The following EPS15 variants were observed in gnomAD, a reference collection of about 807,000 sequenced individuals.
EPS15 encodes epidermal growth factor receptor substrate 15.
EPS15 carries 72 observed loss-of-function variants against 113.8 expected under a neutral mutation model. That is an observed-to-expected ratio of 0.63 (90% CI 0.52 to 0.77). The LOEUF (loss-of-function observed/expected upper bound fraction) is 0.77, where lower values mean the gene tolerates loss of function less well. Among genes scored for constraint, EPS15 ranks in the 30% least tolerant of loss-of-function variants. EPS15 has a pLI of 0.00. For synonymous variants in EPS15, 344 were observed against 363.4 expected (o/e 0.95, Z 0.61); for missense variants, 1,048 against 1,045.8 (o/e 1.00, Z -0.03).
intron 1 of EPS15, among the ~76,000 whole-genome samples, chr1:51,508,220 AAAG>A (rs1206838489): frequency 3.9e-5 from 5 of 128,034 alleles, no homozygotes; most frequent in African/African-American, 1.3e-4. Context: ...AAAGAAAAGA[AAAG>A]AAAAGAAAAG....
chr1:51,515,984 G>A (rs182513585), intron 1 of EPS15, among the ~76,000 whole-genome samples: 1 of 152,180 alleles, frequency 6.6e-6, no homozygotes, highest in Admixed American at 6.5e-5. Context: ...GCGTTAGGGA[G>A]TAAAACTGAC....
intron 15 of EPS15, among the ~76,000 whole-genome samples, chr1:51,407,052 G>A (rs1649199374): frequency 6.6e-6 from 1 of 152,100 alleles, no homozygotes; most frequent in African/African-American, 2.4e-5. Context: ...CACTGGACTG[G>A]GTTTTAGAAG....
Position 51,409,538 on chromosome 1 carries a change from T to A in EPS15, c.1272A>T (p.Gln424His). 6.2e-7 allele frequency: 1 copy of A among 1,608,634 alleles called. No individual in the cohort carries two copies. The highest frequency in any genetic ancestry group is 8.5e-7 in the Non-Finnish European group (1 of 1,178,660). Reference sequence around the variant, plus strand: ...GCAGGAAACAGCCAGACATTACCAGTTGGGCCTCCTCAGCACATTTCTTTC... The same window carrying A: ...GCAGGAAACAGCCAGACATTACCAGATGGGCCTCCTCAGCACATTTCTTTC... ...EVRKKCAEEAQLISSLKAELT... is the reference protein window; with the variant it reads ...EVRKKCAEEAHLISSLKAELT... The change falls in exon 14 of 25, where the codon CAA becomes CAT. Residue 424 changes from glutamine (Q) to histidine (H), a missense_variant. Gln to His is a conservative substitution (Grantham distance 24). Coordinates refer to ENST00000371733, the MANE Select transcript of EPS15 (RefSeq NM_001981.3).
intron 12 of EPS15, among the ~76,000 whole-genome samples, chr1:51,430,613 G>C (rs1231132428): frequency 6.6e-6 from 1 of 151,476 alleles, no homozygotes; most frequent in Non-Finnish European, 1.5e-5. Context: ...CAAAAGCTTA[G>C]GTTAAAGTTT....
intron 8 of EPS15, among the ~76,000 whole-genome samples, chr1:51,450,928 TTG>T (rs1160103975): frequency 6.6e-6 from 1 of 151,744 alleles, no homozygotes; most frequent in Non-Finnish European, 1.5e-5. Flanking sequence ...ACAAAGAACA[TTG>T]TGTGTCTTAA....
intron 21 of EPS15, among the ~76,000 whole-genome samples, chr1:51,370,107 G>A (rs1486287451): frequency 2.0e-5 from 3 of 152,190 alleles, no homozygotes; most frequent in Non-Finnish European, 4.4e-5. Context: ...CTACATATAT[G>A]ATGGTGGCCC....
intron 21 of EPS15, among the ~76,000 whole-genome samples, chr1:51,385,452 T>C (rs1336003656): frequency 3.3e-5 from 5 of 152,210 alleles, no homozygotes; most frequent in African/African-American, 7.2e-5. Context: ...CTGTGAATTG[T>C]TGGCTGGTGT....
rs192276853 is a variant in EPS15, at chr1:51,512,716, T to C, written c.33+6483A>G. ...ATAAAGAAATAACAAACTAAAACAA[T>C]GAAATTGTTTGAAATCTTTCTGATT... On this transcript the variant is annotated intron_variant, in intron 1 of 24. Coordinates refer to ENST00000371733, the MANE Select transcript of EPS15 (RefSeq NM_001981.3). Among the ~76,000 whole-genome samples the C allele has an allele frequency of 7.9e-5, 12 of 152,100 alleles. 1 individual carries two copies. In the East Asian group the frequency reaches 1.7e-3, roughly 22 times the overall value.
chr1:51,478,654 G>A (rs1258225382), intron 2 of EPS15, among the ~76,000 whole-genome samples: 2 of 151,292 alleles, frequency 1.3e-5, no homozygotes, highest in African/African-American at 4.9e-5. Flanking sequence ...AGGCCTGGTG[G>A]TGACAAAATC....
intron 10 of EPS15, among the ~76,000 whole-genome samples, chr1:51,445,272 G>A (rs1417224258): frequency 6.6e-6 from 1 of 152,004 alleles, no homozygotes; most frequent in Non-Finnish European, 1.5e-5. Flanking sequence ...CTCTAATCTG[G>A]GTTTACACTT....
intron 6 of EPS15, 118 bp downstream of exon 6, chr1:51,465,143 C>A: frequency 1.7e-6 from 1 of 571,882 alleles, no homozygotes; most frequent in East Asian, 3.1e-5. Context: ...AGCTTCTCCC[C>A]TACCTTTCCC....
At chr1:51,472,774 G>A (rs1472952509) in intron 3 of EPS15, 85 bp downstream of exon 3, 2 of 977,914 alleles carry the variant, frequency 2.0e-6, no homozygotes, top group African/African-American at 1.6e-5. Context: ...ATTTCTTGAT[G>A]GCATCTTTCT....
chr1:51,410,829 T>C (rs1649643295), intron 13 of EPS15, among the ~76,000 whole-genome samples: 1 of 152,236 alleles, frequency 6.6e-6, no homozygotes, highest in Non-Finnish European at 1.5e-5. Context: ...AGCACCATTA[T>C]GATAATAGCC....
Position 51,444,956 on chromosome 1 carries a change from C to T in EPS15, c.887G>A (p.Gly296Asp), listed in dbSNP as rs374671852. ...AGTAAGAACGTGAGGAGGATCAATGCCCTTGATTAACTTCTGACTGATTAA... is the reference window on the plus strand; with the variant it reads ...AGTAAGAACGTGAGGAGGATCAATGTCCTTGATTAACTTCTGACTGATTAA... ...FHLISQKLIK[G>D]IDPPHVLTPE... Residue 296 changes from glycine (G) to aspartate (D), a missense_variant, in exon 11 of 25, where the codon GGC (glycine) becomes GAC (aspartate). Transcript: ENST00000371733. 9.5e-5 allele frequency: 153 copies of T among 1,613,760 alleles called. 1 individual carries two copies. The highest frequency in any genetic ancestry group is 3.4e-5 in the Non-Finnish European group (40 of 1,179,840).
chr1:51,407,209 A>G (rs1416734376), intron 15 of EPS15, among the ~76,000 whole-genome samples: 1 of 150,462 alleles, frequency 6.6e-6, no homozygotes, highest in Non-Finnish European at 1.5e-5. Context: ...TTTAGTTTTT[A>G]TTTTTTGAGA....
rs143323610 is a variant in EPS15, at chr1:51,374,782, C to T, written c.2120-8753G>A. ...ATGGAGTCTCGCTCTGTTGCTCAGGCGAGCAACATCTCTCAGGTTCAAGAG... is the reference window on the plus strand; with the variant it reads ...ATGGAGTCTCGCTCTGTTGCTCAGGTGAGCAACATCTCTCAGGTTCAAGAG... On this transcript the variant is annotated intron_variant, in intron 21 of 24. Coordinates refer to ENST00000371733, the MANE Select transcript of EPS15 (RefSeq NM_001981.3). Among the ~76,000 whole-genome samples, 1,093 of 151,904 alleles carry T rather than the reference C, an allele frequency of 7.2e-3. 12 individuals carry two copies. Among genetic ancestry groups the T allele is most frequent in the African/African-American group, 0.025 (1,033 of 41,432 alleles).
chr1:51,430,842 C>T (rs1183450704), intron 12 of EPS15, among the ~76,000 whole-genome samples: 2 of 151,652 alleles, frequency 1.3e-5, no homozygotes, highest in African/African-American at 4.9e-5. Flanking sequence ...GCCTGTAGTC[C>T]CAGCTACTCA....
chr1:51,440,221 A>T (rs767440413), intron 12 of EPS15, 126 bp downstream of exon 12: 1 of 415,288 alleles, frequency 2.4e-6, no homozygotes, highest in Non-Finnish European at 4.3e-6. Flanking sequence ...ATCAAAATAT[A>T]CATTAGAAAC....
chr1:51,456,460 G>T lies in EPS15; in HGVS notation c.561+4631C>A, dbSNP rs902106428. ...CAAAAAGATTCCTATGTTCAAGTCA[G>T]TTTTGATTATCTAGTAAAATAAGAC... On this transcript the variant is annotated intron_variant, in intron 8 of 24. Coordinates refer to ENST00000371733, the MANE Select transcript of EPS15 (RefSeq NM_001981.3). 2.0e-5 allele frequency among the ~76,000 whole-genome samples: 3 copies of T among 152,156 alleles called. No individual in the cohort carries two copies. The East Asian group carries it at 5.8e-4, about 29-fold the overall frequency.
Sources: allele counts gnomAD v4.1 joint callset (sites outside exome capture counted in the v4.1 genomes callset), GRCh38; gene constraint gnomAD v4.1.1; transcripts MANE v1.5; gene names NCBI Gene and HGNC (gene_info 2026-07-23, HGNC 2026-07-21).